DHRSX: variants seen among roughly 807,000 people sequenced by gnomAD.
DHRSX encodes dehydrogenase/reductase X-linked, also known as polyprenol dehydrogenase.
In DHRSX, 31 loss-of-function variants were observed where a neutral mutation model predicts 34.0. That is an observed-to-expected ratio of 0.91 (90% CI 0.69 to 1.23). The LOEUF is 1.23. Ranked by LOEUF, DHRSX falls within the 50% of genes most tolerant of loss-of-function variation. The pLI, the probability that DHRSX is intolerant of heterozygous loss-of-function variation, is 0.00. For missense variants in DHRSX, 414 were observed against 428.1 expected (o/e 0.97, Z 0.29); for synonymous variants, 201 against 183.8 (o/e 1.09, Z -0.76).
chrX:2,321,072 A>C (rs1312650928), intron 3 of DHRSX, among the ~76,000 whole-genome samples: 1 of 152,126 alleles, frequency 6.6e-6, no homozygotes, highest in Non-Finnish European at 1.5e-5. Context: ...AAACAGCCTC[A>C]GTATCTGACA....
intron 5 of DHRSX, among the ~76,000 whole-genome samples, chrX:2,252,722 G>A (rs1356266204): frequency 1.3e-5 from 2 of 152,198 alleles, no homozygotes; most frequent in Non-Finnish European, 2.9e-5. Context: ...TCTACAGGAG[G>A]TGAAGAAATG....
intron 3 of DHRSX, among the ~76,000 whole-genome samples, chrX:2,359,592 A>G (rs372515296): frequency 1.1e-4 from 17 of 152,080 alleles, no homozygotes; most frequent in African/African-American, 3.6e-4. Flanking sequence ...AGGCAGAGGA[A>G]TTTTCAAGGG....
At chrX:2,468,572 CT>C (rs2044534170) in intron 1 of DHRSX, among the ~76,000 whole-genome samples, 1 of 151,886 alleles carries the variant, frequency 6.6e-6, no homozygotes, top group East Asian at 1.9e-4. Flanking sequence ...CACGGGACTA[CT>C]GCCATGTACA....
intron 1 of DHRSX, among the ~76,000 whole-genome samples, chrX:2,498,629 A>G (rs892566424): frequency 1.2e-4 from 18 of 151,512 alleles, no homozygotes; most frequent in Non-Finnish European, 2.5e-4. Context: ...AAATGGGAAA[A>G]AAAAAAAAAA....
At chrX:2,495,332 C>A (rs969003012) in intron 1 of DHRSX, among the ~76,000 whole-genome samples, 7 of 151,776 alleles carry the variant, frequency 4.6e-5, no homozygotes, top group African/African-American at 1.4e-4. Context: ...GCCCCAGTAC[C>A]ATGAACAAAG....
intron 3 of DHRSX, among the ~76,000 whole-genome samples, chrX:2,408,365 C>A (rs1010626996): frequency 2.0e-5 from 3 of 152,042 alleles, no homozygotes. Context: ...CGAGCCACTG[C>A]GCCCGGCCTG....
chrX:2,309,195 G>C (rs1315406081), intron 3 of DHRSX, among the ~76,000 whole-genome samples: 4 of 152,094 alleles, frequency 2.6e-5, no homozygotes, highest in Non-Finnish European at 5.9e-5. Context: ...TGAAGAAAGG[G>C]TAGATGAGTG....
chrX:2,324,298 T>C (rs73630206), intron 3 of DHRSX, among the ~76,000 whole-genome samples: 4,652 of 152,186 alleles, frequency 0.031, 257 homozygotes, highest in African/African-American at 0.11. Flanking sequence ...ATGAAGCCTG[T>C]CTGTGAGTTT....
chrX:2,475,159 A>C (rs1300261986), intron 1 of DHRSX, among the ~76,000 whole-genome samples: 1 of 148,966 alleles, frequency 6.7e-6, no homozygotes, highest in African/African-American at 2.5e-5. Context: ...CTCCCTAAGT[A>C]TGTGGCTAAG....
At chrX:2,357,931 G>A (rs911721677) in intron 3 of DHRSX, among the ~76,000 whole-genome samples, 1 of 152,076 alleles carries the variant, frequency 6.6e-6, no homozygotes, top group African/African-American at 2.4e-5. Context: ...TCAAAACAGG[G>A]TAACTCTTGA....
chrX:2,499,485 A>C (rs1157389398), intron 1 of DHRSX, among the ~76,000 whole-genome samples: 3 of 152,230 alleles, frequency 2.0e-5, no homozygotes, highest in Non-Finnish European at 4.4e-5. Flanking sequence ...AATTGAGAAT[A>C]TGGGCTGGGC....
chrX:2,469,921 A>AAATC (rs1569504500), intron 1 of DHRSX, among the ~76,000 whole-genome samples: 1 of 152,152 alleles, frequency 6.6e-6, no homozygotes, highest in African/African-American at 2.4e-5. Flanking sequence ...AAAGGAAAGG[A>AAATC]AATCAGCCCA....
At chrX:2,267,977 C>G (rs1219530771) in intron 4 of DHRSX, among the ~76,000 whole-genome samples, 2 of 152,154 alleles carry the variant, frequency 1.3e-5, no homozygotes. Flanking sequence ...GCTGCTATGG[C>G]ACCCCCTCTT....
Position 2,404,273 on chromosome X carries a change from G to T in DHRSX, c.286+4472C>A, listed in dbSNP as rs138977223. The stretch of plus-strand genomic sequence containing the variant: ...ACCTGCATTTCTTGTTTACTCCCCG[G>T]AAATGCTGATGTGACAGGCCCGGAG... On this transcript the variant is annotated intron_variant, in intron 3 of 6. Coordinates refer to ENST00000334651, the MANE Select transcript of DHRSX (RefSeq NM_145177.3). 8.5e-4 allele frequency among the ~76,000 whole-genome samples: 130 copies of T among 152,218 alleles called. 1 individual carries two copies. In the South Asian group the frequency reaches 0.027, roughly 31 times the overall value.
At chrX:2,426,110 C>T (rs1453934333) in intron 1 of DHRSX, among the ~76,000 whole-genome samples, 3 of 152,016 alleles carry the variant, frequency 2.0e-5, no homozygotes, top group African/African-American at 2.4e-5. Context: ...GGCTCTTCAC[C>T]ACCTCTGGGG....
At chrX:2,496,181 T>C (rs1379190024) in intron 1 of DHRSX, among the ~76,000 whole-genome samples, 2 of 151,742 alleles carry the variant, frequency 1.3e-5, no homozygotes, top group Non-Finnish European at 2.9e-5. Flanking sequence ...GAGGTTTTTA[T>C]TTTTGTTTTT....
chrX:2,414,757 A>G (rs987024380), intron 2 of DHRSX, among the ~76,000 whole-genome samples: 20 of 152,042 alleles, frequency 1.3e-4, no homozygotes, highest in Admixed American at 1.2e-3. Context: ...ACTAGATCTT[A>G]TCATAACCTA....
intron 6 of DHRSX, among the ~76,000 whole-genome samples, chrX:2,221,537 G>A (rs2015519621): frequency 6.6e-6 from 1 of 152,136 alleles, no homozygotes; most frequent in Admixed American, 6.6e-5. Context: ...CACTCTTTAT[G>A]GGACCGAAAT....
intron 3 of DHRSX, among the ~76,000 whole-genome samples, chrX:2,350,925 C>G (rs1235377227): frequency 1.3e-5 from 2 of 152,120 alleles, no homozygotes; most frequent in Non-Finnish European, 2.9e-5. Flanking sequence ...TTCATCTCCT[C>G]TGCAGGGACA....
Sources: allele counts gnomAD v4.1 joint callset (sites outside exome capture counted in the v4.1 genomes callset), GRCh38; gene constraint gnomAD v4.1.1; transcripts MANE v1.5; gene names NCBI Gene and HGNC (gene_info 2026-07-23, HGNC 2026-07-21).